The following ARL6IP6 variants were observed in gnomAD, a reference collection of about 807,000 sequenced individuals.
ARL6IP6 encodes the protein ARF like GTPase 6 interacting protein 6, also known as ADP-ribosylation factor-like protein 6-interacting protein 6.
A neutral mutation model predicts 21.5 loss-of-function variants in ARL6IP6; 22 were observed. The observed-to-expected ratio is 1.02, with a 90% confidence interval of 0.73 to 1.46. The LOEUF (loss-of-function observed/expected upper bound fraction) is 1.46. Ranked by LOEUF, ARL6IP6 falls within the 40% of genes most tolerant of loss-of-function variation. ARL6IP6 has a pLI of 0.00. For missense variants in ARL6IP6, 388 were observed against 299.8 expected (o/e 1.29, Z -2.17); for synonymous variants, 164 against 125.3 (o/e 1.31, Z -2.06).
intron 1 of ARL6IP6, chr2:152,720,278 A>G (rs1699719852): frequency 2.0e-6 from 1 of 508,046 alleles, no homozygotes; most frequent in African/African-American, 1.9e-5. Context: ...TATGCCCTTT[A>G]GTGTTTACCA....
upstream of ARL6IP6, chr2:152,718,528 G>T (rs111424159): frequency 7.1e-5 from 105 of 1,473,332 alleles, no homozygotes; most frequent in African/African-American, 1.4e-3. Context: ...TCTGAGGCCT[G>T]GTGGTAGCGG....
intron 3 of ARL6IP6, among the ~76,000 whole-genome samples, chr2:152,739,745 A>G (rs367591534): frequency 6.6e-6 from 1 of 152,358 alleles, no homozygotes; most frequent in East Asian, 1.9e-4. Context: ...CACTGTTAAT[A>G]AAGATATACC....
At chr2:152,742,022 A>G (rs1342756968) in intron 3 of ARL6IP6, among the ~76,000 whole-genome samples, 1 of 152,202 alleles carries the variant, frequency 6.6e-6, no homozygotes, top group East Asian at 1.9e-4. Flanking sequence ...ATGTTTCACT[A>G]TGTTATAATT....
At position 152,743,584 on chromosome 2, in the gene ARL6IP6, C is replaced by T. The variant is rs116735061; in HGVS notation, c.587+8458C>T. On this transcript the variant is annotated intron_variant, in intron 3 of 3. Coordinates refer to ENST00000326446, the MANE Select transcript of ARL6IP6 (RefSeq NM_152522.7). ...AGCGCCCCTAGCATGTAATGATTTCCGTAGCTGAAATCATTGTGAAGGGAG... is the reference window on the plus strand; with the variant it reads ...AGCGCCCCTAGCATGTAATGATTTCTGTAGCTGAAATCATTGTGAAGGGAG... Among the ~76,000 whole-genome samples, 678 of 152,134 alleles carry T rather than the reference C, an allele frequency of 4.5e-3. 5 individuals carry two copies. The highest frequency in any genetic ancestry group is 0.015 in the African/African-American group (638 of 41,496).
At chr2:152,717,868 A>G, upstream of ARL6IP6, 2 of 1,076,616 alleles carry the variant, frequency 1.9e-6, no homozygotes, top group Non-Finnish European at 2.3e-6. Flanking sequence ...GGGCGGGGGT[A>G]AGCAGCCTGT....
At chr2:152,732,815 A>G (rs1700382275) in intron 2 of ARL6IP6, among the ~76,000 whole-genome samples, 1 of 152,084 alleles carries the variant, frequency 6.6e-6, no homozygotes, top group Non-Finnish European at 1.5e-5. Flanking sequence ...AATACCTAAT[A>G]TAATGTAAAT....
upstream of ARL6IP6, chr2:152,718,363 T>G: frequency 2.5e-6 from 1 of 405,340 alleles, no homozygotes; most frequent in Non-Finnish European, 4.1e-6. Flanking sequence ...GCCTTCGGCC[T>G]CCGCTCGCTT....
chr2:152,723,530 T>C (rs980752286), intron 2 of ARL6IP6, among the ~76,000 whole-genome samples: 1 of 152,222 alleles, frequency 6.6e-6, no homozygotes, highest in African/African-American at 2.4e-5. Flanking sequence ...GGTTGGTTTT[T>C]AGAAAAAGCA....
intron 3 of ARL6IP6, among the ~76,000 whole-genome samples, chr2:152,751,716 T>A (rs902794873): frequency 8.5e-5 from 13 of 152,230 alleles, no homozygotes; most frequent in African/African-American, 2.7e-4. Context: ...CATTTTTTTT[T>A]AATGGCTGAA....
chr2:152,734,916 T>G, intron 2 of ARL6IP6, 78 bp from the exon 3 acceptor site: 1 of 1,388,054 alleles, frequency 7.2e-7, no homozygotes, highest in Non-Finnish European at 1.0e-6. Context: ...ATACATGATC[T>G]GAACATGAGA....
At chr2:152,724,499 G>T (rs1699943325) in intron 2 of ARL6IP6, among the ~76,000 whole-genome samples, 1 of 152,116 alleles carries the variant, frequency 6.6e-6, no homozygotes, top group Non-Finnish European at 1.5e-5. Context: ...AAAAGAATGG[G>T]TTATCAGCAA....
chr2:152,756,914 T>C (rs886187983), intron 3 of ARL6IP6, among the ~76,000 whole-genome samples: 4 of 152,122 alleles, frequency 2.6e-5, no homozygotes, highest in Admixed American at 6.5e-5. Context: ...ACTCCTAGGA[T>C]CTATCCAAGA....
chr2:152,735,559 A>T (rs1460435118), intron 3 of ARL6IP6, among the ~76,000 whole-genome samples: 1 of 152,168 alleles, frequency 6.6e-6, no homozygotes, highest in African/African-American at 2.4e-5. Flanking sequence ...GCAAACATTT[A>T]TGGTACCCAA....
chr2:152,723,260 G>A (rs535152602), intron 2 of ARL6IP6, among the ~76,000 whole-genome samples: 1 of 152,324 alleles, frequency 6.6e-6, no homozygotes, highest in East Asian at 1.9e-4. Flanking sequence ...ATAAGAAAAT[G>A]TGTTGAAGTC....
intron 2 of ARL6IP6, among the ~76,000 whole-genome samples, chr2:152,725,471 AT>A (rs1293907970): frequency 3.3e-5 from 5 of 152,142 alleles, no homozygotes; most frequent in African/African-American, 1.2e-4. Flanking sequence ...TACAAAGGTG[AT>A]TTGGAAAAAA....
chr2:152,749,114 A>T (rs1014411855), intron 3 of ARL6IP6, among the ~76,000 whole-genome samples: 1 of 152,148 alleles, frequency 6.6e-6, no homozygotes, highest in Non-Finnish European at 1.5e-5. Context: ...TTCCTGAAAA[A>T]TGAAAATAAT....
rs550782596 is a variant in ARL6IP6 at position 152,748,701 on chromosome 2, A to G, written c.588-11046A>G. On this transcript the variant is annotated intron_variant, in intron 3 of 3. Coordinates refer to ENST00000326446, the MANE Select transcript of ARL6IP6 (RefSeq NM_152522.7). ...CAGAGCGCTTTCTGCTTAAAGCAGTATCAGCTGGAAATGAAGTTATTATTT... is the reference window on the plus strand; with the variant it reads ...CAGAGCGCTTTCTGCTTAAAGCAGTGTCAGCTGGAAATGAAGTTATTATTT... Among the ~76,000 whole-genome samples the G allele has an allele frequency of 1.6e-3, 241 of 152,354 alleles. 1 individual carries two copies. The highest frequency in any genetic ancestry group is 2.5e-3 in the Admixed American group (39 of 15,312).
intron 3 of ARL6IP6, among the ~76,000 whole-genome samples, chr2:152,756,738 C>T (rs1411403156): frequency 6.6e-6 from 1 of 152,004 alleles, no homozygotes; most frequent in Non-Finnish European, 1.5e-5. Flanking sequence ...ACTCTGCAGA[C>T]CTACTAAAAT....
At position 152,720,589 on chromosome 2, in the gene ARL6IP6, A is replaced by G. The variant is rs770289461; in HGVS notation, c.454+3A>G. 1.9e-6 allele frequency: 3 copies of G among 1,612,158 alleles called. No homozygotes were observed. Among genetic ancestry groups the G allele is most frequent in the Admixed American group, 3.4e-5 (2 of 59,642 alleles). On this transcript the variant is annotated splice_donor_region_variant and intron_variant, in intron 2 of 3. Transcript: ENST00000326446. Reference sequence around the variant, plus strand: ...TGATGTAGACACTGGACTATTAGGTATGGACTTAATTGCCGCTTGCTTTGG... The same window carrying G: ...TGATGTAGACACTGGACTATTAGGTGTGGACTTAATTGCCGCTTGCTTTGG...
Sources: allele counts gnomAD v4.1 joint callset (sites outside exome capture counted in the v4.1 genomes callset), GRCh38; gene constraint gnomAD v4.1.1; transcripts MANE v1.5; gene names NCBI Gene and HGNC (gene_info 2026-07-23, HGNC 2026-07-21).